The following ZNF28 variants were observed in gnomAD, a reference collection of about 807,000 sequenced individuals.
The protein encoded by ZNF28 is zinc finger protein KOX24.
A neutral mutation model predicts 7.2 loss-of-function variants in ZNF28; 5 were observed. That is an observed-to-expected ratio of 0.70 (90% confidence interval 0.36 to 1.46). The LOEUF (loss-of-function observed/expected upper bound fraction) is 1.46, where lower values mean the gene tolerates loss of function less well. Among genes scored for constraint, ZNF28 ranks in the 40% most tolerant of loss-of-function variants. The pLI, the probability that ZNF28 is intolerant of heterozygous loss-of-function variation, is 0.03. For synonymous variants in ZNF28, 288 were observed against 292.4 expected, an observed-to-expected ratio of 0.99 and a Z score of 0.15; for missense variants, 879 against 866.6, an observed-to-expected ratio of 1.01 and a Z score of -0.18.
At chr19:52,813,277 A>C (rs1434821213) in intron 2 of ZNF28, among the ~76,000 whole-genome samples, 4 of 138,544 alleles carry the variant, frequency 2.9e-5, no homozygotes, top group African/African-American at 1.1e-4. Flanking sequence ...AAAAAGACAT[A>C]CTGTGGAAGG....
rs914529473 is a variant in ZNF28, at chr19:52,815,605, A to G, written c.15+2339T>C. 3.4e-5 allele frequency among the ~76,000 whole-genome samples: 5 copies of G among 146,766 alleles called. 1 individual carries two copies. The highest frequency in any genetic ancestry group is 4.5e-4 in the South Asian group (2 of 4,444). On this transcript the variant is annotated intron_variant, in intron 2 of 3. Transcript: ENST00000457749. ...TTTGGGAGGCCGAGGCGGGCGAATC[A>G]TGAGGTCAGGAGATCGAGACCATCC... is the stretch of plus-strand genomic sequence containing the variant.
chr19:52,810,052 C>T (rs2062997482), intron 2 of ZNF28: 3 of 740,728 alleles, frequency 4.1e-6, no homozygotes, highest in Non-Finnish European at 7.3e-6. Flanking sequence ...CCCCGCGCCC[C>T]ATGCCTGGGA....
At chr19:52,804,472 G>C (rs2062911878) in intron 3 of ZNF28, among the ~76,000 whole-genome samples, 1 of 152,142 alleles carries the variant, frequency 6.6e-6, no homozygotes, top group Non-Finnish European at 1.5e-5. Context: ...CTGGGTTCCA[G>C]TGATTCTCCT....
intron 1 of ZNF28, among the ~76,000 whole-genome samples, chr19:52,820,180 C>T (rs1401086148): frequency 1.8e-5 from 2 of 111,438 alleles, no homozygotes; most frequent in South Asian, 3.0e-4. Flanking sequence ...TGCAGTGGCG[C>T]AATCTCGGCT....
chr19:52,813,444 C>T (rs1338302372), intron 2 of ZNF28, among the ~76,000 whole-genome samples: 4 of 120,618 alleles, frequency 3.3e-5, no homozygotes, highest in Non-Finnish European at 4.9e-5. Flanking sequence ...TGCCCCACTT[C>T]GCCCCCGTAG....
chr19:52,819,602 T>A (rs2063170218), intron 1 of ZNF28, among the ~76,000 whole-genome samples: 1 of 100,670 alleles, frequency 9.9e-6, no homozygotes, highest in African/African-American at 4.2e-5. Flanking sequence ...GGCTCAGAGC[T>A]GGAAACATTT....
At position 52,821,602 on chromosome 19, in the gene ZNF28, A is replaced by G. The variant is rs570959603; in HGVS notation, c.-90T>C. 9 of 152,258 alleles carry G rather than the reference A, an allele frequency of 5.9e-5. No individual in the cohort carries two copies. The highest frequency in any genetic ancestry group is 2.2e-4 in the African/African-American group (9 of 41,544). The allele number at this position is 152,258 out of a possible 1,614,324, so 9.4% of individuals were successfully genotyped here. On this transcript the variant is annotated 5_prime_UTR_variant, in exon 1 of 4. Coordinates refer to ENST00000457749, the MANE Select transcript of ZNF28 (RefSeq NM_006969.5). Reference sequence around the variant, plus strand: ...AAAACTCACCGCCCGCCGCGGCGTCACCGTCATTCCACGGGATCCGCTTCC... The same window carrying G: ...AAAACTCACCGCCCGCCGCGGCGTCGCCGTCATTCCACGGGATCCGCTTCC...
At chr19:52,820,026 A>C (rs1049612552) in intron 1 of ZNF28, among the ~76,000 whole-genome samples, 5 of 145,176 alleles carry the variant, frequency 3.4e-5, no homozygotes, top group African/African-American at 5.4e-5. Context: ...GTTTGAGACC[A>C]ACCTGGCCAA....
At chr19:52,809,676 G>A (rs961444644) in intron 2 of ZNF28, 3 of 356,716 alleles carry the variant, frequency 8.4e-6, no homozygotes, top group South Asian at 8.2e-5. Context: ...CGTGGTGTTG[G>A]CTGCCTGTAA....
chr19:52,804,664 C>T (rs1272212817), intron 3 of ZNF28, among the ~76,000 whole-genome samples: 1 of 152,190 alleles, frequency 6.6e-6, no homozygotes, highest in East Asian at 1.9e-4. Flanking sequence ...AGCCACTGCA[C>T]CTAGCCCATT....
intron 2 of ZNF28, among the ~76,000 whole-genome samples, chr19:52,811,733 C>T (rs1295572543): frequency 5.3e-5 from 8 of 149,616 alleles, no homozygotes; most frequent in Admixed American, 1.3e-4. Context: ...CGTCTCCGCC[C>T]GGCAGCCGCC....
chr19:52,802,267 G>A (rs1440057896), intron 3 of ZNF28, among the ~76,000 whole-genome samples: 1 of 152,144 alleles, frequency 6.6e-6, no homozygotes, highest in Non-Finnish European at 1.5e-5. Flanking sequence ...TACTCTGAAG[G>A]CTGTGTCACA....
At chr19:52,802,406 A>G (rs2062883661) in intron 3 of ZNF28, among the ~76,000 whole-genome samples, 1 of 151,946 alleles carries the variant, frequency 6.6e-6, no homozygotes, top group South Asian at 2.1e-4. Flanking sequence ...AAGGCAGGGC[A>G]TGGTGGCTCA....
chr19:52,797,756 A>C lies in ZNF28; in HGVS notation c.*1932T>G, dbSNP rs748046154. 8.5e-5 allele frequency: 13 copies of C among 152,492 alleles called. No individual in the cohort carries two copies. Among genetic ancestry groups the C allele is most frequent in the Non-Finnish European group, 1.8e-4 (12 of 68,034 alleles). The allele number at this position is 152,492 out of a possible 1,614,324, so 9.4% of individuals were successfully genotyped here. ...CTGATTGGAAAAATTAGTATTGCTC[A>C]ATGATTATATAACCGAATGTGATTT... On this transcript the variant is annotated 3_prime_UTR_variant, in exon 4 of 4. Transcript: ENST00000457749.
intron 2 of ZNF28, 148 bp from the exon 3 acceptor site, chr19:52,808,281 A>G (rs529632742): frequency 1.4e-6 from 2 of 1,461,984 alleles, no homozygotes; most frequent in Non-Finnish European, 1.8e-6. Flanking sequence ...TGATGTTTTT[A>G]TTATACTTTT....
At chr19:52,811,091 G>C (rs1184061463) in intron 2 of ZNF28, among the ~76,000 whole-genome samples, 1 of 149,296 alleles carries the variant, frequency 6.7e-6, no homozygotes, top group Non-Finnish European at 1.5e-5. Flanking sequence ...ACGGGGTTTC[G>C]CTGTGTTGGC....
chr19:52,798,382 T>C lies in ZNF28; in HGVS notation c.*1306A>G, dbSNP rs974451764. The C allele has an allele frequency of 8.1e-6, 3 of 371,186 alleles. No individual in the cohort carries two copies. The highest frequency in any genetic ancestry group is 1.6e-5 in the Non-Finnish European group (3 of 188,924). 23.0% of individuals were successfully genotyped at this position (371,186 alleles called of 1,614,324 possible). ...CAACTCAAACTCAGGTCAGTGCTCA[T>C]TTAACTGTAATGTCAATTAATGCTT... is the stretch of plus-strand genomic sequence containing the variant. On this transcript the variant is annotated 3_prime_UTR_variant, in exon 4 of 4. Coordinates refer to ENST00000457749, the MANE Select transcript of ZNF28 (RefSeq NM_006969.5).
chr19:52,815,879 T>C (rs2063118148), intron 2 of ZNF28, among the ~76,000 whole-genome samples: 1 of 147,100 alleles, frequency 6.8e-6, no homozygotes, highest in African/African-American at 2.6e-5. Flanking sequence ...GATGAAATAA[T>C]TGGTACAACA....
At chr19:52,810,779 C>CAAA (rs2063012092) in intron 2 of ZNF28, 2 of 393,502 alleles carry the variant, frequency 5.1e-6, no homozygotes, top group African/African-American at 1.2e-4. Flanking sequence ...AAAAAAAAAC[C>CAAA]CAAAAAAAAC....
Sources: gnomAD v4.1 joint callset for allele counts (sites outside exome capture counted in the v4.1 genomes callset) on GRCh38, gnomAD v4.1.1 for gene constraint, MANE v1.5 for transcripts, NCBI Gene and HGNC (gene_info 2026-07-23, HGNC 2026-07-21) for gene names.